EXOC6B: variants seen among roughly 807,000 people sequenced by gnomAD.
EXOC6B encodes the protein exocyst complex component 6B.
Under a neutral mutation model 113.5 loss-of-function variants are expected in EXOC6B, and 54 were observed. The ratio of observed to expected loss-of-function variants is 0.48; its 90% CI spans 0.38 to 0.60. EXOC6B has a LOEUF of 0.60. Among genes scored for constraint, EXOC6B ranks in the 20% least tolerant of loss-of-function variants. The pLI, the probability that EXOC6B is intolerant of heterozygous loss-of-function variation, is 0.00. For synonymous variants in EXOC6B, 357 were observed against 339.0 expected, an observed-to-expected ratio of 1.05 and a Z score of -0.58; for missense variants, 797 against 977.5, an observed-to-expected ratio of 0.82 and a Z score of 2.46.
chr2:72,179,230 T>C lies in EXOC6B; in HGVS notation c.*105A>G. The C allele has an allele frequency of 2.3e-6, 3 of 1,299,328 alleles. No homozygotes were observed. Among genetic ancestry groups the C allele is most frequent in the Non-Finnish European group, 2.1e-6 (2 of 963,594 alleles). The allele number at this position is 1,299,328 out of a possible 1,614,324, so 80.5% of individuals were successfully genotyped here. On this transcript the variant is annotated 3_prime_UTR_variant, in exon 22 of 22. Transcript: ENST00000272427. Reference sequence around the variant, plus strand: ...ACAGGGGTTAATAAAAAAATACATATGCTCTCTTTGAAGAAGAATGCACAA... The same window carrying C: ...ACAGGGGTTAATAAAAAAATACATACGCTCTCTTTGAAGAAGAATGCACAA...
In EXOC6B at chr2:72,514,954, G is replaced by C. The variant is rs201093345; in HGVS notation, c.999+89C>G. ...GAATGACAGTAAACACACACACACA[G>C]ACACACACACACACACACACACACA... On this transcript the variant is annotated intron_variant, in intron 9 of 21. Transcript: ENST00000272427. 226 of 888,322 alleles carry C rather than the reference G, an allele frequency of 2.5e-4. No homozygotes were observed. The African/African-American group carries it at 3.2e-3, about 13-fold the overall frequency. The allele number at this position is 888,322 out of a possible 1,614,324, so 55.0% of individuals were successfully genotyped here.
chr2:72,462,283 GTTTA>G (rs1386399621), intron 18 of EXOC6B: 1 of 151,908 alleles, frequency 6.6e-6, no homozygotes, highest in Admixed American at 6.6e-5. Context: ...TATAAGAAAA[GTTTA>G]TTTGTTTTCT....
At chr2:72,451,536 C>A (rs910251634) in intron 18 of EXOC6B, among the ~76,000 whole-genome samples, 5 of 152,034 alleles carry the variant, frequency 3.3e-5, no homozygotes, top group Non-Finnish European at 7.4e-5. Flanking sequence ...ATAAGATAAT[C>A]CTACATGACA....
intron 20 of EXOC6B, among the ~76,000 whole-genome samples, chr2:72,323,572 C>T (rs1361764539): frequency 6.6e-6 from 1 of 152,064 alleles, no homozygotes; most frequent in African/African-American, 2.4e-5. Flanking sequence ...ATAGCAAAGA[C>T]TTGGAACCAA....
intron 7 of EXOC6B, among the ~76,000 whole-genome samples, chr2:72,565,977 A>C (rs1704152769): frequency 6.6e-6 from 1 of 151,790 alleles, no homozygotes; most frequent in South Asian, 2.1e-4. Flanking sequence ...TATAGCTCCA[A>C]CCACACGGAA....
intron 6 of EXOC6B, among the ~76,000 whole-genome samples, chr2:72,681,367 T>C (rs1197695812): frequency 6.6e-6 from 1 of 152,130 alleles, no homozygotes; most frequent in African/African-American, 2.4e-5. Context: ...ATGCCTCCAA[T>C]ATGGTATCAT....
chr2:72,809,828 G>A (rs995478928), intron 1 of EXOC6B, among the ~76,000 whole-genome samples: 1 of 152,088 alleles, frequency 6.6e-6, no homozygotes, highest in African/African-American at 2.4e-5. Context: ...ACAATTGATA[G>A]AACTAATCAA....
At chr2:72,753,223 T>C (rs1285902615) in intron 1 of EXOC6B, among the ~76,000 whole-genome samples, 1 of 148,292 alleles carries the variant, frequency 6.7e-6, no homozygotes, top group Non-Finnish European at 1.5e-5. Context: ...CCAGATAATA[T>C]GGCAAGGGGC....
At chr2:72,472,576 T>A (rs1698478066) in intron 17 of EXOC6B, among the ~76,000 whole-genome samples, 1 of 152,136 alleles carries the variant, frequency 6.6e-6, no homozygotes, top group Admixed American at 6.6e-5. Flanking sequence ...ATAATTTTAT[T>A]TGAGTCTTCA....
chr2:72,591,317 AC>A (rs1182916889), intron 6 of EXOC6B, among the ~76,000 whole-genome samples: 2 of 152,106 alleles, frequency 1.3e-5, no homozygotes, highest in Non-Finnish European at 2.9e-5. Flanking sequence ...AAGCTGAAAG[AC>A]AGCTACTGTT....
At chr2:72,508,545 G>A (rs1476498834) in intron 11 of EXOC6B, among the ~76,000 whole-genome samples, 1 of 152,158 alleles carries the variant, frequency 6.6e-6, no homozygotes, top group African/African-American at 2.4e-5. Context: ...GCCGAGGTAG[G>A]CGAATCACCT....
At chr2:72,793,031 T>G (rs1202383840) in intron 1 of EXOC6B, among the ~76,000 whole-genome samples, 3 of 152,218 alleles carry the variant, frequency 2.0e-5, no homozygotes, top group Admixed American at 6.5e-5. Context: ...GTTCATCCAT[T>G]TTCATTGTTG....
At chr2:72,794,461 T>A (rs954304426) in intron 1 of EXOC6B, among the ~76,000 whole-genome samples, 2 of 151,930 alleles carry the variant, frequency 1.3e-5, no homozygotes, top group African/African-American at 4.8e-5. Flanking sequence ...TATAGAGAAA[T>A]AAACAGAAAA....
intron 18 of EXOC6B, among the ~76,000 whole-genome samples, chr2:72,430,306 T>A (rs1573101324): frequency 6.6e-6 from 1 of 152,180 alleles, no homozygotes; most frequent in Non-Finnish European, 1.5e-5. Flanking sequence ...CTGCTTACAA[T>A]AAACTCTGAG....
At chr2:72,700,785 T>C (rs1678265203) in intron 6 of EXOC6B, among the ~76,000 whole-genome samples, 1 of 152,130 alleles carries the variant, frequency 6.6e-6, no homozygotes, top group Non-Finnish European at 1.5e-5. Context: ...ACCCCATCTC[T>C]ACTAAACATA....
At chr2:72,581,198 A>G (rs2103863479) in intron 6 of EXOC6B, among the ~76,000 whole-genome samples, 1 of 152,356 alleles carries the variant, frequency 6.6e-6, no homozygotes, top group East Asian at 1.9e-4. Context: ...AAGTCTCACC[A>G]AACAAAATTA....
intron 7 of EXOC6B, 151 bp downstream of exon 7, chr2:72,575,341 C>T: frequency 1.6e-6 from 1 of 631,518 alleles, no homozygotes; most frequent in Non-Finnish European, 2.5e-6. Context: ...TCTTCAATTT[C>T]CTTAAATTGA....
intron 8 of EXOC6B, among the ~76,000 whole-genome samples, chr2:72,553,884 C>CCT (rs760022484): frequency 3.9e-5 from 6 of 151,978 alleles, no homozygotes; most frequent in Admixed American, 3.3e-4. Flanking sequence ...TTGAAAAGAG[C>CCT]CTCTATTGGA....
rs140987465 is a variant in EXOC6B at position 72,663,307 on chromosome 2, T to C, written c.669+54796A>G. Among the ~76,000 whole-genome samples the C allele has an allele frequency of 1.9e-3, 292 of 152,326 alleles. 3 individuals are homozygous for C. Among genetic ancestry groups the C allele is most frequent in the Non-Finnish European group, 4.1e-4 (28 of 68,024 alleles). ...GTACATATGTATAATATATGTCCCA[T>C]TCTCAAGGAGACAGAACTATGGTGA... On this transcript the variant is annotated intron_variant, in intron 6 of 21. Coordinates refer to ENST00000272427, the MANE Select transcript of EXOC6B (RefSeq NM_015189.3).
Sources: allele counts gnomAD v4.1 joint callset (sites outside exome capture counted in the v4.1 genomes callset), GRCh38; gene constraint gnomAD v4.1.1; transcripts MANE v1.5; gene names NCBI Gene and HGNC (gene_info 2026-07-23, HGNC 2026-07-21).